SPIDR: variants seen among roughly 807,000 people sequenced by gnomAD.
The protein encoded by SPIDR is scaffold protein involved in DNA repair.
In SPIDR, 93 loss-of-function variants were observed where a neutral mutation model predicts 104.6. The ratio of observed to expected loss-of-function variants is 0.89; its 90% CI spans 0.75 to 1.06. The LOEUF (loss-of-function observed/expected upper bound fraction) is 1.06. Ranked by LOEUF, SPIDR falls within the 50% of genes least tolerant of loss-of-function variation. The pLI is 0.00. For synonymous variants in SPIDR, 431 were observed against 416.9 expected (o/e 1.03, Z -0.41); for missense variants, 1,154 against 1,111.2 (o/e 1.04, Z -0.55).
intron 10 of SPIDR, among the ~76,000 whole-genome samples, chr8:47,655,193 G>T (rs1424014016): frequency 6.6e-6 from 1 of 152,164 alleles, no homozygotes; most frequent in African/African-American, 2.4e-5. Flanking sequence ...ACATACATGT[G>T]CATGTGTCTT....
intron 8 of SPIDR, among the ~76,000 whole-genome samples, chr8:47,481,222 T>C (rs1425046859): frequency 6.6e-6 from 1 of 152,264 alleles, no homozygotes; most frequent in East Asian, 1.9e-4. Context: ...TTCTCGTCAT[T>C]ACATTCTGTT....
intron 6 of SPIDR, among the ~76,000 whole-genome samples, chr8:47,398,656 T>C (rs1554660174): frequency 2.0e-5 from 3 of 152,144 alleles, no homozygotes; most frequent in Non-Finnish European, 4.4e-5. Context: ...GGACTATGGG[T>C]CTGCAGTCCA....
chr8:47,465,424 C>T (rs2074608972), intron 8 of SPIDR, among the ~76,000 whole-genome samples: 1 of 152,062 alleles, frequency 6.6e-6, no homozygotes, highest in African/African-American at 2.4e-5. Flanking sequence ...GCGTGGCAAG[C>T]TGGATAAAGA....
At chr8:47,457,059 A>G (rs1305163171) in intron 8 of SPIDR, among the ~76,000 whole-genome samples, 2 of 152,294 alleles carry the variant, frequency 1.3e-5, no homozygotes, top group South Asian at 2.1e-4. Flanking sequence ...TTGTGCCACT[A>G]TAAACATGCA....
At chr8:47,308,416 T>A (rs1259864754) in intron 5 of SPIDR, among the ~76,000 whole-genome samples, 3 of 151,688 alleles carry the variant, frequency 2.0e-5, no homozygotes, top group Admixed American at 6.6e-5. Context: ...TTTTTATTGT[T>A]TGAGGCTTGT....
chr8:47,673,889 A>G lies in SPIDR; in HGVS notation c.1633A>G (p.Lys545Glu). Reference protein sequence around the residue: ...TMSKARQLEGKSCSLVGMKVL... With the variant: ...TMSKARQLEGESCSLVGMKVL... The stretch of plus-strand genomic sequence containing the variant: ...GTCGAAGGCAAGACAGTTGGAAGGG[A>G]AGTCTTGCAGCCTGGTGGGAATGAA... The change falls in exon 11 of 20, where the codon AAG becomes GAG. Residue 545 changes from lysine to glutamate, a missense_variant. Coordinates refer to ENST00000297423, the MANE Select transcript of SPIDR (RefSeq NM_001080394.4). The G allele has an allele frequency of 5.6e-6, 9 of 1,614,166 alleles. No individual in the cohort carries two copies. The highest frequency in any genetic ancestry group is 7.6e-6 in the Non-Finnish European group (9 of 1,180,030).
At chr8:47,508,697 C>A (rs1227658755) in intron 8 of SPIDR, among the ~76,000 whole-genome samples, 1 of 151,624 alleles carries the variant, frequency 6.6e-6, no homozygotes, top group Admixed American at 6.6e-5. Context: ...AAGTGTAGAT[C>A]CCATCTGTAA....
At chr8:47,621,944 G>A (rs1057329128) in intron 10 of SPIDR, among the ~76,000 whole-genome samples, 7 of 152,308 alleles carry the variant, frequency 4.6e-5, no homozygotes, top group South Asian at 2.1e-4. Flanking sequence ...CAGCCTAGGC[G>A]ACAGAGTGAG....
intron 14 of SPIDR, among the ~76,000 whole-genome samples, chr8:47,712,061 A>G (rs1563630210): frequency 6.6e-6 from 1 of 152,214 alleles, no homozygotes; most frequent in Non-Finnish European, 1.5e-5. Flanking sequence ...CGTCTACTGA[A>G]TCCTAAGCCC....
chr8:47,497,453 A>C (rs1310672721), intron 8 of SPIDR, among the ~76,000 whole-genome samples: 1 of 152,070 alleles, frequency 6.6e-6, no homozygotes, highest in Non-Finnish European at 1.5e-5. Context: ...TGATTGCTTC[A>C]TTGGCCTATT....
intron 8 of SPIDR, among the ~76,000 whole-genome samples, chr8:47,473,410 T>G (rs1487193707): frequency 6.6e-6 from 1 of 152,240 alleles, no homozygotes; most frequent in Non-Finnish European, 1.5e-5. Flanking sequence ...TAGGGGCTTA[T>G]TGTGATCACT....
chr8:47,319,883 G>A (rs1362805440), intron 5 of SPIDR, among the ~76,000 whole-genome samples: 2 of 151,914 alleles, frequency 1.3e-5, no homozygotes, highest in African/African-American at 4.8e-5. Context: ...AAATAAAGAT[G>A]TTCTTGGAAA....
intron 10 of SPIDR, among the ~76,000 whole-genome samples, chr8:47,649,236 A>G (rs939864205): frequency 6.6e-6 from 1 of 151,976 alleles, no homozygotes; most frequent in African/African-American, 2.4e-5. Flanking sequence ...CCTAGGCAGC[A>G]TAGAAAGAGC....
chr8:47,671,115 G>A (rs937627088), intron 10 of SPIDR, among the ~76,000 whole-genome samples: 5 of 152,000 alleles, frequency 3.3e-5, no homozygotes, highest in African/African-American at 1.2e-4. Context: ...TCACTTTGTT[G>A]CCCAGGCTAA....
At chr8:47,403,074 A>G (rs968972023) in intron 6 of SPIDR, among the ~76,000 whole-genome samples, 1 of 152,220 alleles carries the variant, frequency 6.6e-6, no homozygotes, top group Non-Finnish European at 1.5e-5. Context: ...AACGTAATCC[A>G]TTATATAAAC....
chr8:47,657,263 C>T (rs1443946154), intron 10 of SPIDR, among the ~76,000 whole-genome samples: 1 of 152,044 alleles, frequency 6.6e-6, no homozygotes, highest in Non-Finnish European at 1.5e-5. Flanking sequence ...GCTTGTTTTA[C>T]TTACCAGGGA....
chr8:47,555,735 A>G (rs949009739), intron 8 of SPIDR, among the ~76,000 whole-genome samples: 1 of 152,166 alleles, frequency 6.6e-6, no homozygotes, highest in Non-Finnish European at 1.5e-5. Flanking sequence ...TATCCTCTCA[A>G]TGGCCAGTGA....
At chr8:47,610,874 G>T (rs2063516957) in intron 10 of SPIDR, among the ~76,000 whole-genome samples, 1 of 152,226 alleles carries the variant, frequency 6.6e-6, no homozygotes, top group Non-Finnish European at 1.5e-5. Flanking sequence ...TATATAGTGA[G>T]ACTAACAACC....
chr8:47,631,382 AAAGT>A (rs1176640479), intron 10 of SPIDR, among the ~76,000 whole-genome samples: 1 of 152,248 alleles, frequency 6.6e-6, no homozygotes, highest in East Asian at 1.9e-4. Flanking sequence ...ATAGTTCTTC[AAAGT>A]AAGAGCTGAG....
Sources: allele counts gnomAD v4.1 joint callset (sites outside exome capture counted in the v4.1 genomes callset), GRCh38; gene constraint gnomAD v4.1.1; transcripts MANE v1.5; gene names NCBI Gene and HGNC (gene_info 2026-07-23, HGNC 2026-07-21).